Variants in WDR36 observed in about 807,000 individuals in gnomAD.
The protein encoded by WDR36 is WD repeat domain 36, also known as WD repeat-containing protein 36.
Under a neutral mutation model 112.7 loss-of-function variants are expected in WDR36, and 63 were observed. The observed-to-expected ratio is 0.56, with a 90% CI of 0.46 to 0.69. The LOEUF (loss-of-function observed/expected upper bound fraction) is 0.69, where lower values mean the gene tolerates loss of function less well. Among genes scored for constraint, WDR36 ranks in the 30% least tolerant of loss-of-function variants. WDR36 has a pLI of 0.00. For missense variants in WDR36, 1,226 were observed against 1,070.3 expected (o/e 1.15, Z -2.03); for synonymous variants, 410 against 362.2 (o/e 1.13, Z -1.50).
In WDR36 at chr5:111,110,932, T is replaced by G. The variant is rs1020320548; in HGVS notation, c.1586T>G (p.Ile529Ser). 3 of 1,611,214 alleles carry G rather than the reference T, an allele frequency of 1.9e-6. No homozygotes were observed. Among genetic ancestry groups the G allele is most frequent in the Admixed American group, 3.3e-5 (2 of 59,852 alleles). The change falls in exon 14 of 23, where the codon ATC (isoleucine) becomes AGC (serine). Residue 529 changes from isoleucine (I) to serine (S), a missense_variant. Transcript: ENST00000513710. The part of the protein sequence containing the change: ...HSVSLSSSPN[I>S]MLLHRDSGIL... The stretch of plus-strand genomic sequence containing the variant: ...GTGAGCCTCAGTTCATCTCCAAATA[T>G]CATGTTGCTACATAGGGACAGGTAA...
At position 111,112,303 on chromosome 5, in the gene WDR36, T is replaced by C. The variant is rs545795104; in HGVS notation, c.1717-771T>C. Reference sequence around the variant, plus strand: ...TCTGTGAGCATTTATAACATGACTTTACCTCTCAGAATCATTCTTTCCCAT... The same window carrying C: ...TCTGTGAGCATTTATAACATGACTTCACCTCTCAGAATCATTCTTTCCCAT... On this transcript the variant is annotated intron_variant, in intron 15 of 22. Coordinates refer to ENST00000513710, the MANE Select transcript of WDR36 (RefSeq NM_139281.3). Among the ~76,000 whole-genome samples the C allele has an allele frequency of 7.2e-5, 11 of 152,134 alleles. No individual in the cohort carries two copies. The South Asian group carries it at 2.3e-3, about 31-fold the overall frequency.
rs755789987 is a variant in WDR36 at position 111,119,000 on chromosome 5, A to T, written c.1797-13A>T. 6.3e-7 allele frequency: 1 copy of T among 1,599,946 alleles called. No homozygotes were observed. The highest frequency in any genetic ancestry group is 8.6e-7 in the Non-Finnish European group (1 of 1,167,500). On this transcript the variant is annotated splice_polypyrimidine_tract_variant and intron_variant, in intron 16 of 22. Transcript: ENST00000513710. ...GAGTTCAAATACTTTTAACATGTTA[A>T]TTATTTCTGTAGCCTTATAGACTGC...
At position 111,092,379 on chromosome 5, in the gene WDR36, C is replaced by T. The variant is rs148041801; in HGVS notation, c.-78C>T. ...TCTGCAGCTCTGGCAGAGGACTGTTCCACTAGACACGCTGAAGGGACTGGG... is the reference window on the plus strand; with the variant it reads ...TCTGCAGCTCTGGCAGAGGACTGTTTCACTAGACACGCTGAAGGGACTGGG... On this transcript the variant is annotated 5_prime_UTR_variant, in exon 1 of 23. Coordinates refer to ENST00000513710, the MANE Select transcript of WDR36 (RefSeq NM_139281.3). 13 of 1,614,230 alleles carry T rather than the reference C, an allele frequency of 8.1e-6. No individual in the cohort carries two copies. The highest frequency in any genetic ancestry group is 4.4e-5 in the South Asian group (4 of 91,080).
At position 111,129,016 on chromosome 5, in the gene WDR36, C is replaced by T. The variant is rs545595431; in HGVS notation, c.*2133C>T. The stretch of plus-strand genomic sequence containing the variant: ...TACAGCCACAGGAAATGTATAGTTA[C>T]GATTTTTACATACGTGTATGTATAT... On this transcript the variant is annotated 3_prime_UTR_variant, in exon 23 of 23. Coordinates refer to ENST00000513710, the MANE Select transcript of WDR36 (RefSeq NM_139281.3). The T allele has an allele frequency of 8.8e-5, 17 of 193,572 alleles. No individual in the cohort carries two copies. Among genetic ancestry groups the T allele is most frequent in the African/African-American group, 2.1e-4 (9 of 43,218 alleles). The allele number at this position is 193,572 out of a possible 1,614,324, so 12.0% of individuals were successfully genotyped here.
In WDR36 at chr5:111,092,546, G is replaced by C; in HGVS notation, c.90G>C (p.Val30=). ...TTTTCAGCAACGACATTCCACACGTGGTGCGGTTCAGCGCGCTCAAGCGCC... is the reference window on the plus strand; with the variant it reads ...TTTTCAGCAACGACATTCCACACGTCGTGCGGTTCAGCGCGCTCAAGCGCC... ...LGLFSNDIPH[V]VRFSALKRRF... Residue 30 remains valine, a synonymous_variant, in exon 1 of 23, where the codon GTG becomes GTC. Transcript: ENST00000513710. The C allele has an allele frequency of 6.2e-7, 1 of 1,614,212 alleles. No individual in the cohort carries two copies. The highest frequency in any genetic ancestry group is 8.5e-7 in the Non-Finnish European group (1 of 1,180,050).
chr5:111,107,128 C>T (rs938117915), intron 11 of WDR36, among the ~76,000 whole-genome samples, 166 bp from the exon 12 acceptor site: 1 of 151,336 alleles, frequency 6.6e-6, no homozygotes, highest in Non-Finnish European at 1.5e-5. Flanking sequence ...TTTTATTTGT[C>T]AATTAAAAAA....
chr5:111,110,808 G>C lies in WDR36; in HGVS notation c.1462G>C (p.Gly488Arg). Residue 488 changes from glycine (G) to arginine (R), a missense_variant, in exon 14 of 23, where the codon GGT (glycine) becomes CGT (arginine). Transcript: ENST00000513710. ...TACAGCTCACAAGGGATCTGTTAGAGGTGTCGCAGTGGATGGATTAAACCA... is the reference window on the plus strand; with the variant it reads ...TACAGCTCACAAGGGATCTGTTAGACGTGTCGCAGTGGATGGATTAAACCA... ...KDQAHKGSVR[G>R]VAVDGLNQLT... 2 of 1,611,042 alleles carry C rather than the reference G, an allele frequency of 1.2e-6. No homozygotes were observed. Among genetic ancestry groups the C allele is most frequent in the Non-Finnish European group, 1.7e-6 (2 of 1,178,122 alleles).
intron 10 of WDR36, among the ~76,000 whole-genome samples, 198 bp from the exon 11 acceptor site, chr5:111,105,859 G>T (rs1369552519): frequency 6.6e-6 from 1 of 151,414 alleles, no homozygotes; most frequent in African/African-American, 2.4e-5. Flanking sequence ...TAAATTTTAA[G>T]ATTATTTTTA....
At position 111,129,522 on chromosome 5, in the gene WDR36, T is replaced by G. The variant is rs1453905779; in HGVS notation, c.*2639T>G. On this transcript the variant is annotated 3_prime_UTR_variant, in exon 23 of 23. Transcript: ENST00000513710. ...GTTTATTTTAGAACATATAAACATT[T>G]GTTAATTTTCTTTTTCCTCTCATTT... 3 of 197,546 alleles carry G rather than the reference T, an allele frequency of 1.5e-5. No homozygotes were observed. In the South Asian group the frequency reaches 5.7e-4, roughly 38 times the overall value. The allele number at this position is 197,546 out of a possible 1,614,324, so 12.2% of individuals were successfully genotyped here. A position where few individuals can be genotyped will look rare whatever the true frequency, so the allele number is the denominator to read the frequency against.
At chr5:111,101,993 T>G (rs1211517369) in intron 5 of WDR36, among the ~76,000 whole-genome samples, 1 of 151,816 alleles carries the variant, frequency 6.6e-6, no homozygotes, top group Non-Finnish European at 1.5e-5. Context: ...AATATTTTTA[T>G]TAAAATATAA....
At chr5:111,120,845 A>G in intron 18 of WDR36, 151 bp from the exon 19 acceptor site, 1 of 793,840 alleles carries the variant, frequency 1.3e-6, no homozygotes. Context: ...TGAGAAAATA[A>G]GGAAAAGACA....
chr5:111,104,838 A>AT, intron 9 of WDR36, 21 bp downstream of exon 9: 1 of 1,610,056 alleles, frequency 6.2e-7, no homozygotes, highest in Non-Finnish European at 8.5e-7. Context: ...GCTTCATACT[A>AT]TTAGTTTATT....
intron 2 of WDR36, among the ~76,000 whole-genome samples, chr5:111,095,808 G>A (rs970190938): frequency 1.3e-5 from 2 of 152,128 alleles, no homozygotes; most frequent in Non-Finnish European, 2.9e-5. Flanking sequence ...GTAAGGAGAA[G>A]TTTTCCCTTT....
At chr5:111,126,644 C>T in intron 22 of WDR36, 90 bp from the exon 23 acceptor site, 1 of 1,405,396 alleles carries the variant, frequency 7.1e-7, no homozygotes, top group Non-Finnish European at 1.0e-6. Flanking sequence ...CACCTAGTGT[C>T]TTTTGTGGTT....
intron 15 of WDR36, among the ~76,000 whole-genome samples, chr5:111,112,704 T>G (rs570505735): frequency 1.3e-5 from 2 of 152,086 alleles, no homozygotes; most frequent in Admixed American, 1.3e-4. Context: ...GAAAAGATTT[T>G]TAACTTAAGC....
chr5:111,110,685 A>G, intron 13 of WDR36, 103 bp from the exon 14 acceptor site: 3 of 1,258,972 alleles, frequency 2.4e-6, no homozygotes, highest in Non-Finnish European at 3.4e-6. Flanking sequence ...AGGATATTTA[A>G]GTGGCACCTT....
At position 111,126,532 on chromosome 5, in the gene WDR36, A is replaced by G. The variant is rs4530809; in HGVS notation, c.2539-202A>G. On this transcript the variant is annotated intron_variant, in intron 22 of 22. Coordinates refer to ENST00000513710, the MANE Select transcript of WDR36 (RefSeq NM_139281.3). ...AGTGATGACCACTTTAATTCTACCA[A>G]GGAAGTCACAGTATCATAAAGGACC... 0.36 allele frequency among the ~76,000 whole-genome samples: 54,194 copies of G among 151,766 alleles called. 10,013 individuals carry two copies. The highest frequency in any genetic ancestry group is 0.51 in the Middle Eastern group (151 of 294).
At position 111,102,366 on chromosome 5, in the gene WDR36, A is replaced by G. The variant is rs754509733; in HGVS notation, c.564A>G (p.Pro188=). ...GTAGTAAACTTCTATATACATTTCC[A>G]GGATGGAAAGTTGGAGTGACAGCTC... ...VKSNKLLYTF[P]GWKVGVTALQ... is the part of the protein sequence containing the mutation. The change falls in exon 6 of 23, where the codon CCA becomes CCG. Residue 188 remains proline (P), a synonymous_variant. Coordinates refer to ENST00000513710, the MANE Select transcript of WDR36 (RefSeq NM_139281.3). 4 of 1,610,100 alleles carry G rather than the reference A, an allele frequency of 2.5e-6. No homozygotes were observed. The highest frequency in any genetic ancestry group is 2.7e-5 in the African/African-American group (2 of 74,658).
chr5:111,099,756 G>A (rs976594629), intron 4 of WDR36, among the ~76,000 whole-genome samples: 6 of 151,914 alleles, frequency 3.9e-5, no homozygotes, highest in African/African-American at 1.2e-4. Flanking sequence ...AGCATTCAAA[G>A]TAAAGTTTAT....
Sources: gnomAD v4.1 joint callset for allele counts (sites outside exome capture counted in the v4.1 genomes callset) on GRCh38, gnomAD v4.1.1 for gene constraint, MANE v1.5 for transcripts, NCBI Gene and HGNC (gene_info 2026-07-23, HGNC 2026-07-21) for gene names.